The following C8orf76 variants were observed in gnomAD, a reference collection of about 807,000 sequenced individuals.
C8orf76 encodes uncharacterized protein C8orf76.
Under a neutral mutation model 38.1 loss-of-function variants are expected in C8orf76, and 46 were observed. The ratio of observed to expected loss-of-function variants is 1.21; its 90% confidence interval spans 0.95 to 1.54. The LOEUF is 1.54. C8orf76 is among the 40% of genes most tolerant of loss of function. The pLI, the probability that C8orf76 is intolerant of heterozygous loss-of-function variation, is 0.00. For synonymous variants in C8orf76, 166 were observed against 167.5 expected, an observed-to-expected ratio of 0.99 and a Z score of 0.07; for missense variants, 461 against 441.6, an observed-to-expected ratio of 1.04 and a Z score of -0.39.
chr8:123,239,934 G>T (rs368473072), intron 1 of C8orf76: 2 of 150,228 alleles, frequency 1.3e-5, no homozygotes, highest in Non-Finnish European at 3.0e-5. Context: ...GGAGGTTGGG[G>T]TGACCCGAGA....
intron 4 of C8orf76, among the ~76,000 whole-genome samples, chr8:123,229,337 TG>T (rs1825157375): frequency 6.6e-6 from 1 of 152,328 alleles, no homozygotes; most frequent in East Asian, 1.9e-4. Flanking sequence ...ATCCATCTAG[TG>T]GGATCCCAAT....
At chr8:123,238,894 A>C in intron 2 of C8orf76, 155 bp downstream of exon 2, 1 of 687,296 alleles carries the variant, frequency 1.5e-6, no homozygotes, top group Non-Finnish European at 2.4e-6. Context: ...CAAGCAGAAA[A>C]GAACGGAAAC....
rs1245337057 is a variant in C8orf76 at position 123,229,608 on chromosome 8, A to T, written c.815+1692T>A. ...GAGGGGCATAAGGGACTGCTTTTTA[A>T]ATGATCTTTGTGATCCTAGCACCAA... On this transcript the variant is annotated intron_variant, in intron 4 of 5. Coordinates refer to ENST00000276704, the MANE Select transcript of C8orf76 (RefSeq NM_032847.3). Among the ~76,000 whole-genome samples, 7 of 152,328 alleles carry T rather than the reference A, an allele frequency of 4.6e-5. No homozygotes were observed. In the East Asian group the frequency reaches 1.4e-3, roughly 29 times the overall value.
intron 3 of C8orf76, among the ~76,000 whole-genome samples, chr8:123,232,689 T>C (rs1002477677): frequency 1.3e-5 from 2 of 152,174 alleles, no homozygotes; most frequent in African/African-American, 4.8e-5. Flanking sequence ...TATTCCCACA[T>C]TGAGTGAAAA....
intron 4 of C8orf76, among the ~76,000 whole-genome samples, chr8:123,227,316 G>A (rs943872291): frequency 2.8e-5 from 4 of 145,188 alleles, no homozygotes; most frequent in African/African-American, 1.0e-4. Context: ...TTTCTCACTG[G>A]TACCTACTGC....
intron 5 of C8orf76, among the ~76,000 whole-genome samples, chr8:123,225,033 T>C (rs374928720): frequency 5.3e-5 from 8 of 151,982 alleles, no homozygotes; most frequent in African/African-American, 1.9e-4. Flanking sequence ...TGAGATGGAG[T>C]CTCCCTCTGT....
chr8:123,231,804 T>G, intron 3 of C8orf76, 47 bp from the exon 4 acceptor site: 1 of 1,514,634 alleles, frequency 6.6e-7, no homozygotes, highest in Non-Finnish European at 8.7e-7. Flanking sequence ...TCAAAGCATT[T>G]TCCATATAAA....
In C8orf76 at chr8:123,219,983, C is replaced by A; in HGVS notation, c.*120G>T. On this transcript the variant is annotated 3_prime_UTR_variant, in exon 6 of 6. Coordinates refer to ENST00000276704, the MANE Select transcript of C8orf76 (RefSeq NM_032847.3). The stretch of plus-strand genomic sequence containing the variant: ...CAGTAGAAATCATTTGAGACAGAAG[C>A]CAGTTTTATAAAACATAAATAATCA... The A allele has an allele frequency of 1.7e-6, 1 of 577,042 alleles. No individual in the cohort carries two copies. The highest frequency in any genetic ancestry group is 3.3e-5 in the South Asian group (1 of 30,712). The allele number at this position is 577,042 out of a possible 1,614,324, so 35.7% of individuals were successfully genotyped here.
rs778672959 is a variant in C8orf76, at chr8:123,231,770, A to T, written c.358-13T>A. The T allele has an allele frequency of 8.6e-5, 133 of 1,544,076 alleles. No homozygotes were observed. Among genetic ancestry groups the T allele is most frequent in the Non-Finnish European group, 1.1e-4 (133 of 1,157,042 alleles). Reference sequence around the variant, plus strand: ...TTGCTTTATTTTCCTAAGGAGAAAAAAAAAAGGTTAAGAAGTTTAAACTTC... The same window carrying T: ...TTGCTTTATTTTCCTAAGGAGAAAATAAAAAGGTTAAGAAGTTTAAACTTC... On this transcript the variant is annotated splice_polypyrimidine_tract_variant and intron_variant, in intron 3 of 5. Coordinates refer to ENST00000276704, the MANE Select transcript of C8orf76 (RefSeq NM_032847.3).
intron 3 of C8orf76, among the ~76,000 whole-genome samples, chr8:123,234,319 C>A (rs1380659742): frequency 2.6e-5 from 4 of 152,050 alleles, no homozygotes; most frequent in African/African-American, 9.7e-5. Flanking sequence ...TACTAAAAGT[C>A]AAGGAATAAA....
At chr8:123,240,133 T>C (rs2131168390) in intron 1 of C8orf76, among the ~76,000 whole-genome samples, 1 of 152,302 alleles carries the variant, frequency 6.6e-6, no homozygotes, top group East Asian at 1.9e-4. Context: ...AGCCAGCATG[T>C]ATTATTTTTC....
intron 1 of C8orf76, among the ~76,000 whole-genome samples, chr8:123,240,507 C>T (rs1156517135): frequency 2.0e-5 from 3 of 152,204 alleles, no homozygotes; most frequent in Admixed American, 1.3e-4. Flanking sequence ...ACTATTTACA[C>T]TCATGAAAGA....
chr8:123,228,089 G>T (rs1276373059), intron 4 of C8orf76, among the ~76,000 whole-genome samples: 1 of 152,052 alleles, frequency 6.6e-6, no homozygotes, highest in East Asian at 1.9e-4. Flanking sequence ...CCATCCACCT[G>T]TGCATCCTCG....
At chr8:123,235,842 G>A (rs1261862960) in intron 3 of C8orf76, among the ~76,000 whole-genome samples, 1 of 152,182 alleles carries the variant, frequency 6.6e-6, no homozygotes, top group East Asian at 1.9e-4. Context: ...GGAGGAGGAA[G>A]CACAACAGTG....
chr8:123,220,390 A>G, intron 5 of C8orf76, 93 bp from the exon 6 acceptor site: 8 of 944,706 alleles, frequency 8.5e-6, no homozygotes, highest in Non-Finnish European at 1.2e-5. Flanking sequence ...ATTCAAAGGC[A>G]GAAAATACTT....
intron 3 of C8orf76, 90 bp downstream of exon 3, chr8:123,237,708 C>T (rs1825548892): frequency 1.4e-6 from 2 of 1,447,162 alleles, no homozygotes; most frequent in South Asian, 3.3e-5. Flanking sequence ...GATTTTGCTA[C>T]TAGCAAGAAG....
chr8:123,228,110 CAG>C (rs1279927029), intron 4 of C8orf76, among the ~76,000 whole-genome samples: 1 of 152,192 alleles, frequency 6.6e-6, no homozygotes, highest in East Asian at 1.9e-4. Context: ...AGAGACTCTG[CAG>C]AGACTCTTCC....
intron 5 of C8orf76, among the ~76,000 whole-genome samples, chr8:123,225,599 C>G (rs570504694): frequency 6.6e-6 from 1 of 152,216 alleles, no homozygotes; most frequent in South Asian, 2.1e-4. Context: ...TTAAGAAACA[C>G]AGGAGAAAAA....
At chr8:123,228,033 G>T (rs1189041617) in intron 4 of C8orf76, among the ~76,000 whole-genome samples, 1 of 151,884 alleles carries the variant, frequency 6.6e-6, no homozygotes, top group East Asian at 1.9e-4. Flanking sequence ...ACCCCAAATC[G>T]GCTCTGCTCA....
Sources: gnomAD v4.1 joint callset for allele counts (sites outside exome capture counted in the v4.1 genomes callset) on GRCh38, gnomAD v4.1.1 for gene constraint, MANE v1.5 for transcripts, NCBI Gene and HGNC (gene_info 2026-07-23, HGNC 2026-07-21) for gene names.